Variants in AQP4 observed in about 807,000 individuals in gnomAD.
The protein encoded by AQP4 is aquaporin-4.
In AQP4, 18 loss-of-function variants were observed where a neutral mutation model predicts 27.8. The ratio of observed to expected loss-of-function variants is 0.65; its 90% confidence interval spans 0.45 to 0.96. The LOEUF is 0.96. Among genes scored for constraint, AQP4 ranks in the 40% least tolerant of loss-of-function variants. AQP4 has a pLI of 0.00. For synonymous variants in AQP4, 141 were observed against 142.9 expected, an observed-to-expected ratio of 0.99 and a Z score of 0.10; for missense variants, 412 against 408.2, an observed-to-expected ratio of 1.01 and a Z score of -0.08.
At chr18:26,858,063 G>A (rs1049500630) in intron 4 of AQP4, among the ~76,000 whole-genome samples, 1 of 151,956 alleles carries the variant, frequency 6.6e-6, no homozygotes, top group Non-Finnish European at 1.5e-5. Flanking sequence ...TTGAGCCCAG[G>A]AGTTCGATTC....
intron 1 of AQP4, among the ~76,000 whole-genome samples, chr18:26,865,057 C>G (rs2055033276): frequency 6.8e-6 from 1 of 147,928 alleles, no homozygotes; most frequent in Non-Finnish European, 1.5e-5. Flanking sequence ...TTTTTTAAAT[C>G]CACAAAAATC....
chr18:26,859,450 G>A (rs762035688), intron 4 of AQP4, among the ~76,000 whole-genome samples: 4 of 152,208 alleles, frequency 2.6e-5, no homozygotes, highest in Non-Finnish European at 5.9e-5. Context: ...CAACCCAGGA[G>A]AAGGAGGTTG....
chr18:26,864,708 G>T (rs765944324), intron 1 of AQP4, among the ~76,000 whole-genome samples: 2 of 151,984 alleles, frequency 1.3e-5, no homozygotes, highest in Non-Finnish European at 2.9e-5. Context: ...TGCGATCATA[G>T]GTGCTGTCGT....
In AQP4 at chr18:26,853,023, G is replaced by A; in HGVS notation, c.*3188C>T. The A allele has an allele frequency of 2.5e-6, 1 of 396,862 alleles. No homozygotes were observed. The highest frequency in any genetic ancestry group is 4.4e-6 in the Non-Finnish European group (1 of 225,234). The allele number at this position is 396,862 out of a possible 1,614,324, so 24.6% of individuals were successfully genotyped here. On this transcript the variant is annotated 3_prime_UTR_variant, in exon 5 of 5. Transcript: ENST00000383168. ...CATTATCGAGTTTAAACCAATACAT[G>A]TGTTGTCTGGTTTCATGGTCTGAGA...
intron 1 of AQP4, 134 bp from the exon 2 acceptor site, chr18:26,862,730 A>G: frequency 8.7e-7 from 1 of 1,150,916 alleles, no homozygotes; most frequent in Non-Finnish European, 1.3e-6. Context: ...CCAAGAAAGA[A>G]TGCTTCTGCT....
At chr18:26,865,579 G>T in intron 1 of AQP4, 79 bp downstream of exon 1, 5 of 1,589,790 alleles carry the variant, frequency 3.1e-6, no homozygotes, top group Middle Eastern at 1.7e-4. Context: ...GCCTAAGAAG[G>T]CACAAACATC....
intron 1 of AQP4, among the ~76,000 whole-genome samples, chr18:26,865,053 A>T (rs546327913): frequency 4.1e-4 from 57 of 140,548 alleles, no homozygotes; most frequent in African/African-American, 1.4e-3. Flanking sequence ...TTTTTTTTTT[A>T]AATCCACAAA....
chr18:26,865,113 C>A (rs2055034636), intron 1 of AQP4: 1 of 155,666 alleles, frequency 6.4e-6, no homozygotes, highest in Non-Finnish European at 1.4e-5. Flanking sequence ...TGGCTGTGAA[C>A]CGTGAAGTTT....
chr18:26,860,839 C>A lies in AQP4; in HGVS notation c.626G>T (p.Gly209Val). The A allele has an allele frequency of 6.2e-7, 1 of 1,613,998 alleles. No homozygotes were observed. The highest frequency in any genetic ancestry group is 8.5e-7 in the Non-Finnish European group (1 of 1,179,900). ...IGHLFAINYT[G>V]ASMNPARSFG... ...GGATCGGGCGGGATTCATGCTGGCACCAGTATAATTGATCTATAGGAAACA... is the reference window on the plus strand; with the variant it reads ...GGATCGGGCGGGATTCATGCTGGCAACAGTATAATTGATCTATAGGAAACA... The change falls in exon 4 of 5, where the codon GGT (glycine) becomes GTT (valine). Residue 209 changes from glycine to valine, a missense_variant. Physicochemically the swap from Gly to Val is moderately radical, Grantham distance 109. Transcript: ENST00000383168.
At chr18:26,862,015 T>C in intron 2 of AQP4, 167 bp downstream of exon 2, 1 of 781,982 alleles carries the variant, frequency 1.3e-6, no homozygotes, top group South Asian at 1.7e-5. Flanking sequence ...CTTACAGATA[T>C]ACCTAAATAC....
Position 26,856,092 on chromosome 18 carries a change from G to A in AQP4, c.*119C>T. ...ATTTATTGTTTAGACTGAGTAATAT[G>A]ACATGAAACAACAAACCTGCACATT... is the stretch of plus-strand genomic sequence containing the variant. On this transcript the variant is annotated 3_prime_UTR_variant, in exon 5 of 5. Coordinates refer to ENST00000383168, the MANE Select transcript of AQP4 (RefSeq NM_001650.7). The A allele has an allele frequency of 8.0e-7, 1 of 1,243,764 alleles. No homozygotes were observed. Among genetic ancestry groups the A allele is most frequent in the Non-Finnish European group, 1.2e-6 (1 of 851,990 alleles). 77.0% of individuals were successfully genotyped at this position (1,243,764 alleles called of 1,614,324 possible). A position where few individuals can be genotyped will look rare whatever the true frequency, so the allele number is the denominator to read the frequency against.
Position 26,853,252 on chromosome 18 carries a change from G to A in AQP4, c.*2959C>T, listed in dbSNP as rs2054782666. The A allele has an allele frequency of 5.3e-6, 1 of 189,866 alleles. No individual in the cohort carries two copies. Among genetic ancestry groups the A allele is most frequent in the Non-Finnish European group, 1.1e-5 (1 of 93,446 alleles). The allele number at this position is 189,866 out of a possible 1,614,324, so 11.8% of individuals were successfully genotyped here. On this transcript the variant is annotated 3_prime_UTR_variant, in exon 5 of 5. Transcript: ENST00000383168. ...GGGTTTAGGAAAAGCATCAATGGCA[G>A]AAATAAAGTGTAGGAATCTTAAATT...
At chr18:26,864,637 G>A (rs887769433) in intron 1 of AQP4, among the ~76,000 whole-genome samples, 1 of 152,214 alleles carries the variant, frequency 6.6e-6, no homozygotes, top group East Asian at 1.9e-4. Context: ...GAAGTTAGGA[G>A]AGTCACTTCT....
chr18:26,856,850 G>C (rs2054854394), intron 4 of AQP4, among the ~76,000 whole-genome samples: 2 of 152,164 alleles, frequency 1.3e-5, no homozygotes, highest in African/African-American at 2.4e-5. Context: ...TTTCTGGAGA[G>C]TCCTTCTCTT....
At position 26,852,153 on chromosome 18, in the gene AQP4, A is replaced by G. The variant is rs529673995; in HGVS notation, c.*4058T>C. The G allele has an allele frequency of 6.6e-6, 1 of 152,344 alleles. No homozygotes were observed. The highest frequency in any genetic ancestry group is 2.4e-5 in the African/African-American group (1 of 41,582). The allele number at this position is 152,344 out of a possible 1,614,324, so 9.4% of individuals were successfully genotyped here. A position where few individuals can be genotyped will look rare whatever the true frequency, so the allele number is the denominator to read the frequency against. ...CTAATACTTTAATATATTATTCCAA[A>G]TATTAGACGTTACAGTTTAAATCTT... On this transcript the variant is annotated 3_prime_UTR_variant, in exon 5 of 5. Coordinates refer to ENST00000383168, the MANE Select transcript of AQP4 (RefSeq NM_001650.7).
Position 26,852,095 on chromosome 18 carries a change from A to G in AQP4, c.*4116T>C, listed in dbSNP as rs2054760702. ...ATTTTCACAAGCTTAGTAGTACAAG[A>G]TGCAACATAATTCAAGAAAATCAAC... is the stretch of plus-strand genomic sequence containing the variant. On this transcript the variant is annotated 3_prime_UTR_variant, in exon 5 of 5. Transcript: ENST00000383168. The G allele has an allele frequency of 6.6e-6, 1 of 152,254 alleles. No homozygotes were observed. The highest frequency in any genetic ancestry group is 2.4e-5 in the African/African-American group (1 of 41,464). 9.4% of individuals were successfully genotyped at this position (152,254 alleles called of 1,614,324 possible).
chr18:26,862,075 A>G, intron 2 of AQP4, 107 bp downstream of exon 2: 2 of 1,274,488 alleles, frequency 1.6e-6, no homozygotes, highest in Non-Finnish European at 2.3e-6. Context: ...ATTCCCTAGG[A>G]GTAAATTAGC....
chr18:26,863,267 G>C (rs184622522), intron 1 of AQP4: 1 of 154,424 alleles, frequency 6.5e-6, no homozygotes, highest in East Asian at 1.9e-4. Flanking sequence ...CCAGCGGGAG[G>C]AGTCCGGGAG....
In AQP4 at chr18:26,856,496, A is replaced by G; in HGVS notation, c.694-7T>C. The G allele has an allele frequency of 6.2e-7, 1 of 1,614,008 alleles. No individual in the cohort carries two copies. Among genetic ancestry groups the G allele is most frequent in the Non-Finnish European group, 8.5e-7 (1 of 1,179,834 alleles). On this transcript the variant is annotated splice_polypyrimidine_tract_variant and splice_region_variant and intron_variant, in intron 4 of 4. Transcript: ENST00000383168. The stretch of plus-strand genomic sequence containing the variant: ...TGGGCCCAACCCAATATATCTAAGG[A>G]AAAGATGGAAGAGGATAGAGTGTAA...
Sources: allele counts gnomAD v4.1 joint callset (sites outside exome capture counted in the v4.1 genomes callset), GRCh38; gene constraint gnomAD v4.1.1; transcripts MANE v1.5; gene names NCBI Gene and HGNC (gene_info 2026-07-23, HGNC 2026-07-21).